MFSD6: variants seen among roughly 807,000 people sequenced by gnomAD.
The protein encoded by MFSD6 is major facilitator superfamily domain-containing protein 6.
A neutral mutation model predicts 56.3 loss-of-function variants in MFSD6; 26 were observed. The observed-to-expected ratio is 0.46, with a 90% CI of 0.34 to 0.64. MFSD6 has a LOEUF of 0.64. Among genes scored for constraint, MFSD6 ranks in the 30% least tolerant of loss-of-function variants. The pLI is 0.01. For synonymous variants in MFSD6, 331 were observed against 366.9 expected, an observed-to-expected ratio of 0.90 and a Z score of 1.12; for missense variants, 750 against 986.2, an observed-to-expected ratio of 0.76 and a Z score of 3.21.
chr2:190,422,928 C>G (rs1274003924), intron 2 of MFSD6, among the ~76,000 whole-genome samples: 2 of 151,496 alleles, frequency 1.3e-5, no homozygotes, highest in Non-Finnish European at 2.9e-5. Flanking sequence ...TTGTAGAATA[C>G]TGTAGTTCAG....
At position 190,469,972 on chromosome 2, in the gene MFSD6, G is replaced by T; in HGVS notation, c.1630+117G>T. Reference sequence around the variant, plus strand: ...GAAGGGCAGGCCTACTGTTTCATGTGATTTTGAAGTGGTTGTTAAGGAAGA... The same window carrying T: ...GAAGGGCAGGCCTACTGTTTCATGTTATTTTGAAGTGGTTGTTAAGGAAGA... On this transcript the variant is annotated intron_variant, in intron 4 of 7. Coordinates refer to ENST00000392328, the MANE Select transcript of MFSD6 (RefSeq NM_017694.4). This position sits in a 1 kb window ranked among gnomAD's most constrained non-coding sequence, Gnocchi z 5.3. 1 of 673,848 alleles carries T rather than the reference G, an allele frequency of 1.5e-6. No homozygotes were observed. Among genetic ancestry groups the T allele is most frequent in the South Asian group, 2.1e-5 (1 of 47,462 alleles). 41.7% of individuals were successfully genotyped at this position (673,848 alleles called of 1,614,324 possible).
intron 2 of MFSD6, among the ~76,000 whole-genome samples, chr2:190,420,002 G>A (rs1685548278): frequency 6.6e-6 from 1 of 152,178 alleles, no homozygotes; most frequent in Non-Finnish European, 1.5e-5. Context: ...TCCCAGAAAA[G>A]ATCATAAAGT....
At position 190,462,468 on chromosome 2, in the gene MFSD6, A is replaced by G. The variant is rs762125009; in HGVS notation, c.1533-7290A>G. Among the ~76,000 whole-genome samples, 18 of 152,168 alleles carry G rather than the reference A, an allele frequency of 1.2e-4. No homozygotes were observed. Among genetic ancestry groups the G allele is most frequent in the Admixed American group, 2.6e-4 (4 of 15,262 alleles). On this transcript the variant is annotated intron_variant, in intron 3 of 7. Coordinates refer to ENST00000392328, the MANE Select transcript of MFSD6 (RefSeq NM_017694.4). The surrounding 1 kb of genome is among the most constrained non-coding windows in gnomAD (Gnocchi z 5.7). ...CTTCCTTTTGCCCTCATATTTTATC[A>G]GTTTACATAAGATTATATTAAATGA...
At chr2:190,468,558 T>C (rs2125139204) in intron 3 of MFSD6, among the ~76,000 whole-genome samples, 1 of 151,424 alleles carries the variant, frequency 6.6e-6, no homozygotes, top group South Asian at 2.1e-4. Context: ...GCTCAAGCAG[T>C]CCTCCTACCT....
intron 4 of MFSD6, among the ~76,000 whole-genome samples, chr2:190,480,503 C>T (rs545354738): frequency 6.6e-6 from 1 of 152,216 alleles, no homozygotes; most frequent in South Asian, 2.1e-4. Context: ...ATTATGAAAG[C>T]TCTTCCTAGG....
chr2:190,480,146 C>T (rs1300800034), intron 4 of MFSD6, among the ~76,000 whole-genome samples: 2 of 152,160 alleles, frequency 1.3e-5, no homozygotes, highest in Non-Finnish European at 2.9e-5. Flanking sequence ...CTGGGTGACA[C>T]AGTGAGACCC....
At chr2:190,449,651 G>C (rs1278491931) in intron 3 of MFSD6, among the ~76,000 whole-genome samples, 1 of 140,374 alleles carries the variant, frequency 7.1e-6, no homozygotes, top group Non-Finnish European at 1.6e-5. Flanking sequence ...TTAAGAAAAT[G>C]TAGCACATAT....
chr2:190,477,247 T>C (rs1206808346), intron 4 of MFSD6: 14 of 983,332 alleles, frequency 1.4e-5, no homozygotes, highest in Non-Finnish European at 1.7e-5. Flanking sequence ...CAGGTAAGAA[T>C]GATTCAATAA....
In MFSD6 at chr2:190,423,357, A is replaced by G. The variant is rs1006596622; in HGVS notation, c.-54+7944A>G. On this transcript the variant is annotated intron_variant, in intron 2 of 7. Coordinates refer to ENST00000392328, the MANE Select transcript of MFSD6 (RefSeq NM_017694.4). The surrounding 1 kb of genome is among the most constrained non-coding windows in gnomAD (Gnocchi z 4.3). ...CTATTTCAATGATGTTGTCATTTCAAGAATGTTATATGAATAGAATCATAC... is the reference window on the plus strand; with the variant it reads ...CTATTTCAATGATGTTGTCATTTCAGGAATGTTATATGAATAGAATCATAC... Among the ~76,000 whole-genome samples the G allele has an allele frequency of 2.6e-5, 4 of 152,232 alleles. No individual in the cohort carries two copies. Among genetic ancestry groups the G allele is most frequent in the East Asian group, 1.9e-4 (1 of 5,202 alleles).
chr2:190,499,708 C>A lies in MFSD6; in HGVS notation c.2173-307C>A. 1 of 1,045,944 alleles carries A rather than the reference C, an allele frequency of 9.6e-7. No individual in the cohort carries two copies. The highest frequency in any genetic ancestry group is 1.3e-6 in the Non-Finnish European group (1 of 765,838). 64.8% of individuals were successfully genotyped at this position (1,045,944 alleles called of 1,614,324 possible). On this transcript the variant is annotated intron_variant, in intron 7 of 7. Coordinates refer to ENST00000392328, the MANE Select transcript of MFSD6 (RefSeq NM_017694.4). The surrounding 1 kb of genome is among the most constrained non-coding windows in gnomAD (Gnocchi z 6.0). The stretch of plus-strand genomic sequence containing the variant: ...GCGACTTGCCACATGGCTTGGGGGG[C>A]TCAGTAAATATTTGCTGATGTAAAC...
At chr2:190,466,766 G>A (rs1453771004) in intron 3 of MFSD6, among the ~76,000 whole-genome samples, 2 of 152,132 alleles carry the variant, frequency 1.3e-5, no homozygotes, top group East Asian at 1.9e-4. Flanking sequence ...GTACCTGTTT[G>A]CTCCTAAAGG....
At chr2:190,430,801 C>T (rs1685949038) in intron 2 of MFSD6, among the ~76,000 whole-genome samples, 1 of 146,792 alleles carries the variant, frequency 6.8e-6, no homozygotes, top group Admixed American at 6.8e-5. Flanking sequence ...CAGAGGCGCC[C>T]CCCCCACCTC....
chr2:190,435,135 T>G (rs1686132388), intron 2 of MFSD6, among the ~76,000 whole-genome samples: 1 of 152,210 alleles, frequency 6.6e-6, no homozygotes, highest in Admixed American at 6.5e-5. Flanking sequence ...GGTTGGGGAC[T>G]ACCATCGTAG....
Position 190,433,149 on chromosome 2 carries a change from C to G in MFSD6, c.-53-2828C>G, listed in dbSNP as rs1686064647. On this transcript the variant is annotated intron_variant, in intron 2 of 7. Coordinates refer to ENST00000392328, the MANE Select transcript of MFSD6 (RefSeq NM_017694.4). The surrounding 1 kb of genome is among the most constrained non-coding windows in gnomAD (Gnocchi z 4.5). Reference sequence around the variant, plus strand: ...GTTTGGGTGTGTGTGTGTTTATTGTCATTTTAGTGGGTTCAGGGAAGGATT... The same window carrying G: ...GTTTGGGTGTGTGTGTGTTTATTGTGATTTTAGTGGGTTCAGGGAAGGATT... Among the ~76,000 whole-genome samples, 1 of 151,922 alleles carries G rather than the reference C, an allele frequency of 6.6e-6. No individual in the cohort carries two copies. Among genetic ancestry groups the G allele is most frequent in the Non-Finnish European group, 1.5e-5 (1 of 67,994 alleles).
In MFSD6 at chr2:190,471,310, G is replaced by T. The variant is rs1460579755; in HGVS notation, c.1630+1455G>T. The stretch of plus-strand genomic sequence containing the variant: ...GGCGAGGCATCACCTCACCCAGGAA[G>T]CACAAGGGGTCAGGGAATTCCCTTT... On this transcript the variant is annotated intron_variant, in intron 4 of 7. Coordinates refer to ENST00000392328, the MANE Select transcript of MFSD6 (RefSeq NM_017694.4). This position sits in a 1 kb window ranked among gnomAD's most constrained non-coding sequence, Gnocchi z 4.7. Among the ~76,000 whole-genome samples the T allele has an allele frequency of 6.6e-6, 1 of 152,238 alleles. No individual in the cohort carries two copies. The highest frequency in any genetic ancestry group is 1.5e-5 in the Non-Finnish European group (1 of 68,040).
Position 190,500,283 on chromosome 2 carries a change from C to G in MFSD6, c.*65C>G. ...TCCTCAGCCAGGACACAGGGTGAGGCCCCCCAGCCAGGATATGCCTCCCCT... is the reference window on the plus strand; with the variant it reads ...TCCTCAGCCAGGACACAGGGTGAGGGCCCCCAGCCAGGATATGCCTCCCCT... On this transcript the variant is annotated 3_prime_UTR_variant, in exon 8 of 8. Coordinates refer to ENST00000392328, the MANE Select transcript of MFSD6 (RefSeq NM_017694.4). The surrounding 1 kb of genome is among the most constrained non-coding windows in gnomAD (Gnocchi z 5.3). 6.4e-7 allele frequency: 1 copy of G among 1,559,328 alleles called. No homozygotes were observed. Among genetic ancestry groups the G allele is most frequent in the Non-Finnish European group, 8.8e-7 (1 of 1,137,732 alleles).
At chr2:190,475,840 C>G (rs1184403582) in intron 4 of MFSD6, among the ~76,000 whole-genome samples, 2 of 152,160 alleles carry the variant, frequency 1.3e-5, no homozygotes, top group African/African-American at 4.8e-5. Context: ...ACCAAAACAG[C>G]ATGGTACTGG....
Position 190,437,255 on chromosome 2 carries a change from C to A in MFSD6, c.1226C>A (p.Pro409Gln), listed in dbSNP as rs376329761. ...TCTAAAGGGAAAGAGGTGGAGATCC[C>A]GCAGGTGGAAAGGAACAACTCTACA... Reference protein sequence around the residue: ...DDSKGKEVEIPQVERNNSTES... With the variant: ...DDSKGKEVEIQQVERNNSTES... The change falls in exon 3 of 8, where the codon CCG (proline) becomes CAG (glutamine). Residue 409 changes from proline to glutamine, a missense_variant. Pro to Gln is a moderately conservative substitution (Grantham distance 76). Transcript: ENST00000392328. The surrounding 1 kb of genome is among the most constrained non-coding windows in gnomAD (Gnocchi z 5.9). The A allele has an allele frequency of 6.2e-7, 1 of 1,614,120 alleles. No individual in the cohort carries two copies. The highest frequency in any genetic ancestry group is 1.7e-5 in the Admixed American group (1 of 60,014).
At position 190,413,054 on chromosome 2, in the gene MFSD6, A is replaced by G. The variant is rs1258127044; in HGVS notation, c.-175-2238A>G. 1.3e-5 allele frequency among the ~76,000 whole-genome samples: 2 copies of G among 152,212 alleles called. No individual in the cohort carries two copies. The highest frequency in any genetic ancestry group is 2.9e-5 in the Non-Finnish European group (2 of 68,046). Reference sequence around the variant, plus strand: ...GTGTCTGCTATAGTTACTGGTTGCTATGTTATGGCTTTAAAAAGAGCACAC... The same window carrying G: ...GTGTCTGCTATAGTTACTGGTTGCTGTGTTATGGCTTTAAAAAGAGCACAC... On this transcript the variant is annotated intron_variant, in intron 1 of 7. Transcript: ENST00000392328. The surrounding 1 kb of genome is among the most constrained non-coding windows in gnomAD (Gnocchi z 4.1).
Sources: allele counts gnomAD v4.1 joint callset (sites outside exome capture counted in the v4.1 genomes callset), GRCh38; gene constraint gnomAD v4.1.1; non-coding constraint Gnocchi (gnomAD v3.1); transcripts MANE v1.5; gene names NCBI Gene and HGNC (gene_info 2026-07-23, HGNC 2026-07-21).